ZBED6: variants seen among roughly 807,000 people sequenced by gnomAD.
ZBED6 encodes zinc finger BED domain-containing protein 6.
In ZBED6, 40 loss-of-function variants were observed where a neutral mutation model predicts 58.4. That is an observed-to-expected ratio of 0.68 (90% CI 0.53 to 0.89). ZBED6 has a LOEUF of 0.89. Ranked by LOEUF, ZBED6 falls within the 40% of genes least tolerant of loss-of-function variation. The pLI is 0.00. For missense variants in ZBED6, 1,057 were observed against 1,003.9 expected (o/e 1.05, Z -0.71); for synonymous variants, 439 against 350.6 (o/e 1.25, Z -2.82).
intron 1 of ZBED6, chr1:203,805,740 T>C (rs888322610): frequency 3.0e-6 from 2 of 669,130 alleles, no homozygotes; most frequent in Non-Finnish European, 5.7e-6. Flanking sequence ...AATAGAACTC[T>C]TGGTCAGCCA....
chr1:203,834,706 C>T (rs1396751763), intron 9 of ZBED6, among the ~76,000 whole-genome samples: 4 of 151,318 alleles, frequency 2.6e-5, no homozygotes, highest in Non-Finnish European at 4.4e-5. Flanking sequence ...CTGGCGTGCA[C>T]TGGCACAATC....
At chr1:203,838,540 C>T (rs553223597) in intron 10 of ZBED6, among the ~76,000 whole-genome samples, 47 of 152,322 alleles carry the variant, frequency 3.1e-4, no homozygotes, top group African/African-American at 1.1e-3. Context: ...GCTCAAGGAA[C>T]TGCATATGGC....
chr1:203,804,126 C>A (rs1410138386), intron 1 of ZBED6, among the ~76,000 whole-genome samples: 1 of 147,780 alleles, frequency 6.8e-6, no homozygotes, highest in African/African-American at 2.5e-5. Context: ...GTCTTGCATA[C>A]TTCTTCATTT....
intron 8 of ZBED6, 28 bp downstream of exon 8, chr1:203,831,799 T>C (rs1249163047): frequency 1.9e-6 from 3 of 1,556,536 alleles, no homozygotes; most frequent in Non-Finnish European, 1.8e-6. Flanking sequence ...CTTAGAGTTG[T>C]CAAGCCTCTA....
At chr1:203,812,797 G>A (rs1198062359) in intron 1 of ZBED6, among the ~76,000 whole-genome samples, 1 of 151,970 alleles carries the variant, frequency 6.6e-6, no homozygotes, top group African/African-American at 2.4e-5. Context: ...TGCCAAGCTC[G>A]TCTTGAACTC....
chr1:203,802,857 T>G (rs895396158), exon 1 of ZBED6: 7 of 152,584 alleles, frequency 4.6e-5, no homozygotes, highest in Non-Finnish European at 1.0e-4. Flanking sequence ...CATGCTGTGT[T>G]TGAATTGTGG....
chr1:203,808,755 C>T (rs1673219845), intron 1 of ZBED6, among the ~76,000 whole-genome samples: 1 of 152,140 alleles, frequency 6.6e-6, no homozygotes. Flanking sequence ...AAGGTAGGGG[C>T]TGGAAATTAG....
chr1:203,800,141 G>C, exon 1 of ZBED6: 1 of 1,535,964 alleles, frequency 6.5e-7, no homozygotes, highest in Non-Finnish European at 8.7e-7. Context: ...ACTTCAAAGA[G>C]AAGTATTCAG....
exon 1 of ZBED6, chr1:203,800,363 C>A: frequency 1.0e-6 from 1 of 964,942 alleles, no homozygotes; most frequent in Non-Finnish European, 1.6e-6. Flanking sequence ...TGAAAATGAA[C>A]TTGAAAAATG....
At chr1:203,830,938 T>TTTTA (rs1682100147) in intron 7 of ZBED6, among the ~76,000 whole-genome samples, 1 of 87,812 alleles carries the variant, frequency 1.1e-5, no homozygotes, top group African/African-American at 5.2e-5. Flanking sequence ...TTTTTTTTTT[T>TTTTA]TTTTTTTTTT....
intron 11 of ZBED6, among the ~76,000 whole-genome samples, chr1:203,843,034 C>T (rs997429342): frequency 6.6e-6 from 1 of 151,710 alleles, no homozygotes; most frequent in East Asian, 1.9e-4. Flanking sequence ...TTTTTATCCC[C>T]CATCCTTATC....
chr1:203,832,827 A>G (rs1356351704), intron 8 of ZBED6, among the ~76,000 whole-genome samples: 1 of 152,258 alleles, frequency 6.6e-6, no homozygotes, highest in Non-Finnish European at 1.5e-5. Flanking sequence ...ACATCGGAGT[A>G]GAGTACAGTT....
exon 1 of ZBED6, chr1:203,802,714 C>CTTTTTTTTT (rs150416242): frequency 1.5e-5 from 2 of 131,654 alleles, no homozygotes; most frequent in African/African-American, 2.7e-5. Context: ...TAAATGAACT[C>CTTTTTTTTT]TTTTTTTTTG....
chr1:203,853,938 G>C (rs7311), exon 17 of ZBED6: 102,146 of 152,568 alleles, frequency 0.67, 34,327 homozygotes, highest in East Asian at 0.77. Flanking sequence ...TTTGGAATCA[G>C]CTTACAGATT....
At chr1:203,840,868 A>T (rs1184987508) in intron 11 of ZBED6, among the ~76,000 whole-genome samples, 1 of 152,106 alleles carries the variant, frequency 6.6e-6, no homozygotes, top group African/African-American at 2.4e-5. Flanking sequence ...TCCTGACCTT[A>T]GGTGATCCAC....
chr1:203,841,739 G>A (rs1572296204), intron 11 of ZBED6, among the ~76,000 whole-genome samples: 2 of 151,948 alleles, frequency 1.3e-5, no homozygotes, highest in Non-Finnish European at 2.9e-5. Flanking sequence ...GCCGGGCAGA[G>A]GCGCCCCCCA....
chr1:203,850,007 C>G, exon 14 of ZBED6: 1 of 1,613,530 alleles, frequency 6.2e-7, no homozygotes, highest in South Asian at 1.1e-5. Flanking sequence ...CAGCACAGAC[C>G]TTGGAAAAAA....
At chr1:203,848,623 C>T (rs1244772038) in intron 13 of ZBED6, among the ~76,000 whole-genome samples, 1 of 152,216 alleles carries the variant, frequency 6.6e-6, no homozygotes, top group African/African-American at 2.4e-5. Flanking sequence ...CGCGGTGGCT[C>T]ACGCCTGTAA....
chr1:203,800,276 C>A, exon 1 of ZBED6: 1 of 1,025,312 alleles, frequency 9.8e-7, no homozygotes, highest in Non-Finnish European at 1.5e-6. Context: ...CTGAATGTAT[C>A]TTTACTAAAA....
Sources: allele counts gnomAD v4.1 joint callset (sites outside exome capture counted in the v4.1 genomes callset), GRCh38; gene constraint gnomAD v4.1.1; transcripts MANE v1.5; gene names NCBI Gene and HGNC (gene_info 2026-07-23, HGNC 2026-07-21).